Variants in ZNF804A observed in about 807,000 individuals in gnomAD.
ZNF804A encodes the protein zinc finger protein 804A.
Under a neutral mutation model 16.5 loss-of-function variants are expected in ZNF804A, and 2 were observed. The ratio of observed to expected loss-of-function variants is 0.12; its 90% CI spans 0.05 to 0.38. ZNF804A has a LOEUF of 0.38. Among genes scored for constraint, ZNF804A ranks in the 10% least tolerant of loss-of-function variants. The pLI is 0.99. For missense variants in ZNF804A, 1,473 were observed against 1,390.7 expected, an observed-to-expected ratio of 1.06 and a Z score of -0.94; for synonymous variants, 534 against 489.6, an observed-to-expected ratio of 1.09 and a Z score of -1.20.
chr2:184,665,681 C>G (rs1692244522), intron 1 of ZNF804A, among the ~76,000 whole-genome samples: 1 of 152,178 alleles, frequency 6.6e-6, no homozygotes, highest in Admixed American at 6.5e-5. Context: ...CTTTCAATCT[C>G]ATTTAGTTTG....
At chr2:184,634,411 T>C (rs72625293) in intron 1 of ZNF804A, among the ~76,000 whole-genome samples, 11,826 of 152,162 alleles carry the variant, frequency 0.078, 629 homozygotes, top group East Asian at 0.24. Flanking sequence ...GCAGATGTGA[T>C]TAAGGATCTT....
intron 2 of ZNF804A, among the ~76,000 whole-genome samples, chr2:184,927,968 A>G (rs1685635387): frequency 6.6e-6 from 1 of 152,006 alleles, no homozygotes; most frequent in South Asian, 2.1e-4. Context: ...TTGGTGCTCT[A>G]TCTCCCTGTG....
At chr2:184,650,143 G>A (rs554145630) in intron 1 of ZNF804A, among the ~76,000 whole-genome samples, 30 of 152,132 alleles carry the variant, frequency 2.0e-4, no homozygotes, top group African/African-American at 7.0e-4. Flanking sequence ...TGGGATTCAA[G>A]GTTGGGTCAA....
intron 1 of ZNF804A, among the ~76,000 whole-genome samples, chr2:184,842,394 A>G (rs1224222304): frequency 1.3e-5 from 2 of 152,148 alleles, no homozygotes; most frequent in East Asian, 3.9e-4. Flanking sequence ...TGACACCTAC[A>G]GTGTCATGCT....
At chr2:184,780,996 T>C (rs1444461932) in intron 1 of ZNF804A, among the ~76,000 whole-genome samples, 1 of 151,750 alleles carries the variant, frequency 6.6e-6, no homozygotes, top group Non-Finnish European at 1.5e-5. Context: ...GTAAATTCCA[T>C]GAAGTCTGAC....
intron 1 of ZNF804A, among the ~76,000 whole-genome samples, chr2:184,675,831 A>G (rs1005286640): frequency 1.3e-5 from 2 of 151,768 alleles, no homozygotes; most frequent in Non-Finnish European, 3.0e-5. Context: ...ATTGGATGAA[A>G]TACTTTCCAC....
intron 2 of ZNF804A, among the ~76,000 whole-genome samples, chr2:184,894,162 G>T (rs1184893724): frequency 6.6e-6 from 1 of 152,012 alleles, no homozygotes; most frequent in Non-Finnish European, 1.5e-5. Flanking sequence ...AGCTTACCCC[G>T]TTTCAGTTAC....
chr2:184,729,730 A>T (rs1191875359), intron 1 of ZNF804A, among the ~76,000 whole-genome samples: 4 of 152,136 alleles, frequency 2.6e-5, no homozygotes, highest in African/African-American at 9.6e-5. Context: ...CTATGTATTT[A>T]TGTAGCACTT....
At chr2:184,860,759 G>T (rs563269165) in intron 1 of ZNF804A, among the ~76,000 whole-genome samples, 1 of 152,240 alleles carries the variant, frequency 6.6e-6, no homozygotes, top group East Asian at 1.9e-4. Context: ...GTCTGCAGGG[G>T]ATTGCCTGGG....
At chr2:184,755,359 A>G (rs1017466562) in intron 1 of ZNF804A, among the ~76,000 whole-genome samples, 1 of 151,906 alleles carries the variant, frequency 6.6e-6, no homozygotes, top group African/African-American at 2.4e-5. Context: ...GTTTGTTTCT[A>G]TCTAGTCTTC....
chr2:184,802,235 G>A (rs75075363), intron 1 of ZNF804A, among the ~76,000 whole-genome samples: 1 of 152,240 alleles, frequency 6.6e-6, no homozygotes, highest in East Asian at 1.9e-4. Flanking sequence ...ATCTCACTTA[G>A]GAGAGACATG....
At chr2:184,796,253 G>A (rs866347237) in intron 1 of ZNF804A, among the ~76,000 whole-genome samples, 7 of 151,916 alleles carry the variant, frequency 4.6e-5, no homozygotes, top group East Asian at 1.9e-4. Flanking sequence ...GGGAGGATTC[G>A]TTATTTCTTT....
At chr2:184,825,191 T>C (rs1695141835) in intron 1 of ZNF804A, among the ~76,000 whole-genome samples, 1 of 152,178 alleles carries the variant, frequency 6.6e-6, no homozygotes, top group African/African-American at 2.4e-5. Context: ...ACAATGTTGA[T>C]GTACAAATAG....
intron 2 of ZNF804A, among the ~76,000 whole-genome samples, chr2:184,893,489 C>T (rs756185930): frequency 1.3e-5 from 2 of 151,888 alleles, no homozygotes; most frequent in Non-Finnish European, 2.9e-5. Flanking sequence ...TTGCTAGGAT[C>T]ATTATATACA....
intron 1 of ZNF804A, among the ~76,000 whole-genome samples, chr2:184,783,147 T>TTG (rs1553478128): frequency 3.9e-5 from 5 of 128,792 alleles, no homozygotes; most frequent in Non-Finnish European, 5.4e-5. Flanking sequence ...AGTTTTTTTT[T>TTG]TTTTTTTTTT....
At chr2:184,753,734 A>T (rs746969776) in intron 1 of ZNF804A, among the ~76,000 whole-genome samples, 11 of 151,954 alleles carry the variant, frequency 7.2e-5, no homozygotes, top group Admixed American at 6.6e-5. Flanking sequence ...GTGTTGACAG[A>T]CACTCAAAAA....
intron 1 of ZNF804A, among the ~76,000 whole-genome samples, chr2:184,653,171 C>T (rs1692016245): frequency 6.6e-6 from 1 of 152,142 alleles, no homozygotes; most frequent in African/African-American, 2.4e-5. Context: ...TGAATCAATA[C>T]TATTGCAATT....
intron 1 of ZNF804A, among the ~76,000 whole-genome samples, chr2:184,649,603 T>C (rs1691947072): frequency 6.6e-6 from 1 of 151,730 alleles, no homozygotes. Context: ...CAACTAATCC[T>C]CCAGAAATAC....
intron 1 of ZNF804A, among the ~76,000 whole-genome samples, chr2:184,637,037 GTGA>G (rs1691711280): frequency 6.6e-6 from 1 of 151,942 alleles, no homozygotes; most frequent in South Asian, 2.1e-4. Context: ...TGCTTTCATA[GTGA>G]TGATCTATGT....
Sources: gnomAD v4.1 joint callset for allele counts (sites outside exome capture counted in the v4.1 genomes callset) on GRCh38, gnomAD v4.1.1 for gene constraint, MANE v1.5 for transcripts, NCBI Gene and HGNC (gene_info 2026-07-23, HGNC 2026-07-21) for gene names.